The following STXBP5L variants were observed in gnomAD, a reference collection of about 807,000 sequenced individuals.
STXBP5L encodes the protein syntaxin-binding protein 5-like.
In STXBP5L, 65 loss-of-function variants were observed where a neutral mutation model predicts 144.5. That is an observed-to-expected ratio of 0.45 (90% CI 0.37 to 0.55). STXBP5L has a LOEUF of 0.55. Among genes scored for constraint, STXBP5L ranks in the 20% least tolerant of loss-of-function variants. STXBP5L has a pLI of 0.00. For missense variants in STXBP5L, 1,298 were observed against 1,405.5 expected (o/e 0.92, Z 1.22); for synonymous variants, 505 against 469.6 (o/e 1.08, Z -0.97).
chr3:121,144,262 G>A (rs1021230062), intron 7 of STXBP5L, among the ~76,000 whole-genome samples: 4 of 151,672 alleles, frequency 2.6e-5, no homozygotes, highest in African/African-American at 9.7e-5. Context: ...TAAGTGTAGA[G>A]TTTTGGTATA....
At chr3:120,966,422 C>A (rs978644885) in intron 3 of STXBP5L, among the ~76,000 whole-genome samples, 3 of 152,204 alleles carry the variant, frequency 2.0e-5, no homozygotes, top group Non-Finnish European at 4.4e-5. Flanking sequence ...GTGGCTTTAT[C>A]TACCTTTGGT....
chr3:121,213,143 A>G (rs1308857762), intron 10 of STXBP5L, among the ~76,000 whole-genome samples: 1 of 152,220 alleles, frequency 6.6e-6, no homozygotes, highest in African/African-American at 2.4e-5. Flanking sequence ...ATATGCAATC[A>G]TGTCATCTGC....
At chr3:121,047,087 T>C (rs141967506) in intron 5 of STXBP5L, among the ~76,000 whole-genome samples, 83 of 152,300 alleles carry the variant, frequency 5.4e-4, no homozygotes, top group African/African-American at 1.9e-3. Flanking sequence ...TTTCTTGATG[T>C]CTGCCATAAT....
chr3:121,395,318 G>A (rs1370577328), intron 22 of STXBP5L, among the ~76,000 whole-genome samples: 1 of 152,054 alleles, frequency 6.6e-6, no homozygotes, highest in Non-Finnish European at 1.5e-5. Flanking sequence ...AATAATCTTG[G>A]ACTGTGGAAA....
At chr3:121,345,842 A>G (rs1442796661) in intron 20 of STXBP5L, among the ~76,000 whole-genome samples, 2 of 152,026 alleles carry the variant, frequency 1.3e-5, no homozygotes, top group African/African-American at 2.4e-5. Context: ...TTCAGACAAT[A>G]TATCTAAAGG....
intron 3 of STXBP5L, among the ~76,000 whole-genome samples, chr3:121,030,055 T>C: frequency 6.6e-6 from 1 of 152,082 alleles, no homozygotes; most frequent in East Asian, 1.9e-4. Context: ...TGTGGAGAAA[T>C]AGGAACACTT....
intron 2 of STXBP5L, among the ~76,000 whole-genome samples, chr3:120,910,382 A>C (rs1385998154): frequency 6.6e-6 from 1 of 152,210 alleles, no homozygotes; most frequent in African/African-American, 2.4e-5. Flanking sequence ...TGAACTTCTA[A>C]TGAATATGCA....
At chr3:121,050,598 A>G (rs1250573077) in intron 5 of STXBP5L, among the ~76,000 whole-genome samples, 20 of 152,190 alleles carry the variant, frequency 1.3e-4, no homozygotes, top group Admixed American at 1.3e-3. Context: ...TAAACATGGA[A>G]AGGAACAACC....
At chr3:121,063,003 T>G (rs534479080) in intron 5 of STXBP5L, among the ~76,000 whole-genome samples, 1 of 152,318 alleles carries the variant, frequency 6.6e-6, no homozygotes, top group South Asian at 2.1e-4. Flanking sequence ...TGAAGCCTAC[T>G]TCTGTCAATT....
At chr3:121,035,547 G>A (rs189176560) in intron 3 of STXBP5L, among the ~76,000 whole-genome samples, 3 of 150,654 alleles carry the variant, frequency 2.0e-5, no homozygotes, top group Admixed American at 6.6e-5. Context: ...CTGGGTTCTC[G>A]ATTCTGTTCT....
intron 12 of STXBP5L, among the ~76,000 whole-genome samples, chr3:121,238,452 C>T (rs963598179): frequency 6.6e-6 from 1 of 152,108 alleles, no homozygotes; most frequent in Admixed American, 6.6e-5. Context: ...ATAAGCCAAA[C>T]ACCTCTCATT....
At chr3:121,287,781 A>T (rs1034824896) in intron 19 of STXBP5L, among the ~76,000 whole-genome samples, 2 of 151,998 alleles carry the variant, frequency 1.3e-5, no homozygotes, top group African/African-American at 4.8e-5. Flanking sequence ...GTGAGCCGAG[A>T]TCGCGCCACT....
intron 20 of STXBP5L, among the ~76,000 whole-genome samples, chr3:121,353,011 A>G (rs922059995): frequency 2.0e-5 from 3 of 152,156 alleles, no homozygotes; most frequent in Non-Finnish European, 2.9e-5. Flanking sequence ...TTGAACCAGC[A>G]TTGCATCCCA....
At chr3:121,362,386 C>T (rs1270918264) in intron 20 of STXBP5L, among the ~76,000 whole-genome samples, 2 of 152,176 alleles carry the variant, frequency 1.3e-5, no homozygotes, top group Admixed American at 6.5e-5. Context: ...GGCAAGGCCC[C>T]CTAGGTCCTG....
chr3:121,370,369 A>C (rs908622602), intron 20 of STXBP5L, among the ~76,000 whole-genome samples: 1 of 152,154 alleles, frequency 6.6e-6, no homozygotes, highest in Non-Finnish European at 1.5e-5. Context: ...CTCCGTCTCA[A>C]AAAAAGTGTA....
At chr3:121,369,027 C>A (rs1448881099) in intron 20 of STXBP5L, among the ~76,000 whole-genome samples, 1 of 152,072 alleles carries the variant, frequency 6.6e-6, no homozygotes, top group Non-Finnish European at 1.5e-5. Flanking sequence ...GGACACAAAT[C>A]CCTGATTTTT....
chr3:121,059,039 T>A (rs1233493896), intron 5 of STXBP5L, among the ~76,000 whole-genome samples: 1 of 152,234 alleles, frequency 6.6e-6, no homozygotes, highest in Non-Finnish European at 1.5e-5. Flanking sequence ...AGTCATGAAG[T>A]CTTTGCCCAT....
At chr3:121,270,410 T>G (rs980582310) in intron 18 of STXBP5L, among the ~76,000 whole-genome samples, 1 of 152,096 alleles carries the variant, frequency 6.6e-6, no homozygotes, top group African/African-American at 2.4e-5. Flanking sequence ...TGGCATTGCT[T>G]TTAGTTTTCA....
intron 3 of STXBP5L, among the ~76,000 whole-genome samples, chr3:121,019,394 G>T (rs1576677960): frequency 6.6e-6 from 1 of 152,212 alleles, no homozygotes; most frequent in African/African-American, 2.4e-5. Context: ...GGGCAAGCTT[G>T]TATCCTCCCT....
Sources: allele counts gnomAD v4.1 joint callset (sites outside exome capture counted in the v4.1 genomes callset), GRCh38; gene constraint gnomAD v4.1.1; transcripts MANE v1.5; gene names NCBI Gene and HGNC (gene_info 2026-07-23, HGNC 2026-07-21).